Variants in ADARB2 observed in about 807,000 individuals in gnomAD.
ADARB2 encodes adenosine deaminase RNA specific B2 (inactive).
Under a neutral mutation model 62.2 loss-of-function variants are expected in ADARB2, and 25 were observed. The ratio of observed to expected loss-of-function variants is 0.40; its 90% CI spans 0.29 to 0.56. The LOEUF is 0.56. Ranked by LOEUF, ADARB2 falls within the 20% of genes least tolerant of loss-of-function variation. The probability of loss-of-function intolerance (pLI) is 0.43; values close to 1 mark genes in which losing one functional copy is unlikely to be tolerated. For synonymous variants in ADARB2, 572 were observed against 500.8 expected, an observed-to-expected ratio of 1.14 and a Z score of -1.90; for missense variants, 1,071 against 1,077.4, an observed-to-expected ratio of 0.99 and a Z score of 0.08.
At chr10:1,406,527 G>T (rs1564281415) in intron 1 of ADARB2, among the ~76,000 whole-genome samples, 1 of 152,178 alleles carries the variant, frequency 6.6e-6, no homozygotes, top group Non-Finnish European at 1.5e-5. Flanking sequence ...ACCACTGGTC[G>T]CTAGAAATAA....
intron 3 of ADARB2, among the ~76,000 whole-genome samples, chr10:1,278,115 G>A (rs547650860): frequency 5.2e-4 from 79 of 152,020 alleles, no homozygotes; most frequent in Admixed American, 1.1e-3. Flanking sequence ...GACTACAGGC[G>A]CGCGCCACTA....
intron 1 of ADARB2, among the ~76,000 whole-genome samples, chr10:1,672,918 G>A (rs573112391): frequency 1.1e-4 from 16 of 152,318 alleles, no homozygotes; most frequent in African/African-American, 3.8e-4. Context: ...CAAATCCATA[G>A]GAGGGAAACA....
intron 1 of ADARB2, among the ~76,000 whole-genome samples, chr10:1,521,515 G>A (rs927608661): frequency 6.6e-6 from 1 of 152,172 alleles, no homozygotes; most frequent in Non-Finnish European, 1.5e-5. Context: ...TTGGGAAGTC[G>A]GGGTCAGACA....
chr10:1,447,699 A>C (rs1830988986), intron 1 of ADARB2, among the ~76,000 whole-genome samples: 3 of 152,024 alleles, frequency 2.0e-5, no homozygotes, highest in Admixed American at 1.3e-4. Context: ...ATAGTACCTG[A>C]TTGGTAGTTT....
At chr10:1,483,904 A>T (rs1179007054) in intron 1 of ADARB2, among the ~76,000 whole-genome samples, 1 of 152,204 alleles carries the variant, frequency 6.6e-6, no homozygotes, top group Non-Finnish European at 1.5e-5. Context: ...TTCCTTTCTT[A>T]TTCCGCCATG....
intron 1 of ADARB2, among the ~76,000 whole-genome samples, chr10:1,494,045 C>T (rs904108622): frequency 7.9e-5 from 12 of 152,068 alleles, no homozygotes; most frequent in African/African-American, 2.9e-4. Context: ...AGCCACCGCA[C>T]CTGGCCCATA....
At chr10:1,244,110 C>T (rs527833051) in intron 4 of ADARB2, among the ~76,000 whole-genome samples, 3 of 152,332 alleles carry the variant, frequency 2.0e-5, no homozygotes, top group African/African-American at 4.8e-5. Context: ...CAGAAGTTGA[C>T]GAGCAGATGG....
At chr10:1,602,519 TC>T (rs2132015392) in intron 1 of ADARB2, among the ~76,000 whole-genome samples, 1 of 152,268 alleles carries the variant, frequency 6.6e-6, no homozygotes, top group East Asian at 1.9e-4. Context: ...GGGCACGACT[TC>T]TTTTGTCATT....
At chr10:1,694,824 G>A (rs1834718518) in intron 1 of ADARB2, among the ~76,000 whole-genome samples, 1 of 152,192 alleles carries the variant, frequency 6.6e-6, no homozygotes, top group Non-Finnish European at 1.5e-5. Flanking sequence ...ATGAGCAGAT[G>A]TCTGGGAGTG....
intron 1 of ADARB2, among the ~76,000 whole-genome samples, chr10:1,516,138 G>A (rs61193667): frequency 0.032 from 4,802 of 152,276 alleles, 240 homozygotes; most frequent in African/African-American, 0.11. Flanking sequence ...GATACAGACC[G>A]GGGTGCTCTG....
intron 3 of ADARB2, among the ~76,000 whole-genome samples, chr10:1,317,011 C>T (rs932044040): frequency 1.3e-5 from 2 of 152,226 alleles, no homozygotes; most frequent in Non-Finnish European, 2.9e-5. Context: ...TCCTCTTGAG[C>T]TGCCACTGCT....
chr10:1,204,704 C>G (rs934073537), intron 7 of ADARB2, among the ~76,000 whole-genome samples: 1 of 152,264 alleles, frequency 6.6e-6, no homozygotes, highest in Non-Finnish European at 1.5e-5. Flanking sequence ...AAGGTCCCCT[C>G]CTGTGTCCAG....
chr10:1,300,317 C>T (rs1423943073), intron 3 of ADARB2, among the ~76,000 whole-genome samples: 1 of 152,112 alleles, frequency 6.6e-6, no homozygotes, highest in Admixed American at 6.5e-5. Flanking sequence ...GATGGTTCTT[C>T]CACATCCCCT....
Position 1,233,737 on chromosome 10 carries a change from A to G in ADARB2, c.1470T>C (p.Cys490=), listed in dbSNP as rs748127296. ...LFHLYVSTSP[C]GDARLHSPYE... ...AGGGAGAGTGGAGTCTTGCGTCTCC[A>G]CAGGGGGAGGTGCTCACGTAGAGAT... Residue 490 remains cysteine (C), a synonymous_variant, in exon 6 of 10, where the codon TGT becomes TGC. Coordinates refer to ENST00000381312, the MANE Select transcript of ADARB2 (RefSeq NM_018702.4). 1 of 1,613,850 alleles carries G rather than the reference A, an allele frequency of 6.2e-7. No individual in the cohort carries two copies. The highest frequency in any genetic ancestry group is 1.1e-5 in the South Asian group (1 of 91,042).
intron 1 of ADARB2, among the ~76,000 whole-genome samples, chr10:1,595,434 A>C (rs1380510314): frequency 6.6e-6 from 1 of 152,250 alleles, no homozygotes; most frequent in African/African-American, 2.4e-5. Context: ...AAGGACGTTC[A>C]GAAGGATCAA....
intron 3 of ADARB2, among the ~76,000 whole-genome samples, chr10:1,349,331 G>A (rs191779436): frequency 2.0e-5 from 3 of 151,610 alleles, no homozygotes; most frequent in Admixed American, 1.3e-4. Context: ...CTCTCTTTTT[G>A]GACTCAGCCC....
rs1005009884 is a variant in ADARB2, at chr10:1,426,875, A to G, written c.101-47715T>C. ...AAGGCAGCTTTGTGTTGGACAAAAC[A>G]CAGTGGGGACAGGAACCTAAAGCAG... On this transcript the variant is annotated intron_variant, in intron 1 of 9. Coordinates refer to ENST00000381312, the MANE Select transcript of ADARB2 (RefSeq NM_018702.4). This position sits in a 1 kb window ranked among gnomAD's most constrained non-coding sequence, Gnocchi z 4.1. Among the ~76,000 whole-genome samples the G allele has an allele frequency of 3.3e-5, 5 of 152,242 alleles. No homozygotes were observed. Among genetic ancestry groups the G allele is most frequent in the African/African-American group, 1.2e-4 (5 of 41,470 alleles).
intron 1 of ADARB2, among the ~76,000 whole-genome samples, chr10:1,604,698 T>G (rs552692284): frequency 8.1e-4 from 124 of 152,364 alleles, no homozygotes; most frequent in Non-Finnish European, 1.3e-3. Flanking sequence ...ATCTATTACC[T>G]GTAACCGGTC....
intron 2 of ADARB2, among the ~76,000 whole-genome samples, chr10:1,378,308 C>T (rs544465520): frequency 3.9e-5 from 6 of 152,212 alleles, no homozygotes; most frequent in Admixed American, 1.3e-4. Flanking sequence ...AATATTTGCA[C>T]GGTGTAGGGG....
Sources: allele counts gnomAD v4.1 joint callset (sites outside exome capture counted in the v4.1 genomes callset), GRCh38; gene constraint gnomAD v4.1.1; non-coding constraint Gnocchi (gnomAD v3.1); transcripts MANE v1.5; gene names NCBI Gene and HGNC (gene_info 2026-07-23, HGNC 2026-07-21).